Variants in ZBTB20 observed in about 807,000 individuals in gnomAD.
ZBTB20 encodes the protein zinc finger and BTB domain-containing protein 20.
A neutral mutation model predicts 56.9 loss-of-function variants in ZBTB20; 9 were observed. The observed-to-expected ratio is 0.16, with a 90% CI of 0.10 to 0.28. The LOEUF is 0.28. Ranked by LOEUF, ZBTB20 falls within the 10% of genes least tolerant of loss-of-function variation. The probability of loss-of-function intolerance (pLI) is 1.00; values close to 1 mark genes in which losing one functional copy is unlikely to be tolerated. For synonymous variants in ZBTB20, 417 were observed against 420.7 expected (o/e 0.99, Z 0.11); for missense variants, 655 against 1,003.0 (o/e 0.65, Z 4.69).
At chr3:114,382,605 T>C (rs2084516626) in intron 8 of ZBTB20, among the ~76,000 whole-genome samples, 1 of 152,206 alleles carries the variant, frequency 6.6e-6, no homozygotes, top group Non-Finnish European at 1.5e-5. Context: ...GATTCCTCTC[T>C]GCCAGGTAGG....
intron 2 of ZBTB20, among the ~76,000 whole-genome samples, chr3:115,015,558 G>A (rs567717494): frequency 6.6e-6 from 1 of 151,988 alleles, no homozygotes; most frequent in South Asian, 2.1e-4. Context: ...TTATAAGTGA[G>A]AATATGTGTT....
chr3:114,739,141 G>C (rs2066396049), intron 5 of ZBTB20, among the ~76,000 whole-genome samples: 1 of 152,146 alleles, frequency 6.6e-6, no homozygotes, highest in Admixed American at 6.5e-5. Context: ...GTGGTTTTAA[G>C]AGGTGCTGCT....
intron 3 of ZBTB20, among the ~76,000 whole-genome samples, chr3:114,951,403 G>A (rs928763452): frequency 6.6e-6 from 1 of 152,046 alleles, no homozygotes; most frequent in African/African-American, 2.4e-5. Context: ...AGAAAAAGGG[G>A]CTGCAGAAAG....
intron 1 of ZBTB20, chr3:115,100,316 C>T (rs2083543114): frequency 6.6e-6 from 1 of 151,074 alleles, no homozygotes; most frequent in South Asian, 2.1e-4. Context: ...TGCAACCTAC[C>T]TTACAAACCA....
intron 7 of ZBTB20, among the ~76,000 whole-genome samples, chr3:114,464,423 A>C (rs978873595): frequency 7.2e-5 from 11 of 152,238 alleles, no homozygotes; most frequent in African/African-American, 2.7e-4. Context: ...GTCATTCTGC[A>C]CAGTGATGGT....
intron 2 of ZBTB20, among the ~76,000 whole-genome samples, chr3:115,014,354 C>T (rs2079854133): frequency 6.6e-6 from 1 of 151,352 alleles, no homozygotes; most frequent in African/African-American, 2.4e-5. Flanking sequence ...TTTGCTAGCA[C>T]AATGGAATGG....
At chr3:114,594,903 G>A (rs572038858) in intron 6 of ZBTB20, among the ~76,000 whole-genome samples, 8 of 152,298 alleles carry the variant, frequency 5.3e-5, no homozygotes, top group East Asian at 1.9e-4. Context: ...GGGCAGGAGA[G>A]CATTTGTGTT....
At chr3:114,444,587 G>C (rs1227672934) in intron 7 of ZBTB20, among the ~76,000 whole-genome samples, 2 of 152,104 alleles carry the variant, frequency 1.3e-5, no homozygotes. Flanking sequence ...TAGAAAACTT[G>C]AGTTCTGGTC....
In ZBTB20 at chr3:115,097,524, G is replaced by A. The variant is rs368079302; in HGVS notation, c.-702-26110C>T. ...AGCTGATTTTTATCAGCACACACAC[G>A]TTAAAAAGCACACACACGTCACTCA... On this transcript the variant is annotated intron_variant, in intron 1 of 11. Transcript: ENST00000675478. 2.6e-5 allele frequency among the ~76,000 whole-genome samples: 4 copies of A among 151,994 alleles called. No homozygotes were observed. In the East Asian group the frequency reaches 5.8e-4, roughly 22 times the overall value.
intron 3 of ZBTB20, among the ~76,000 whole-genome samples, chr3:114,947,304 T>C (rs2076918087): frequency 6.8e-6 from 1 of 146,194 alleles, no homozygotes; most frequent in Non-Finnish European, 1.5e-5. Flanking sequence ...AATCCCACCA[T>C]TGGGTATATA....
chr3:115,050,519 AT>A (rs1272681522), intron 2 of ZBTB20, among the ~76,000 whole-genome samples: 2 of 151,988 alleles, frequency 1.3e-5, no homozygotes, highest in Non-Finnish European at 2.9e-5. Flanking sequence ...AAACACCTTT[AT>A]GTTTGTTTAT....
At chr3:115,078,727 T>C (rs2082689324) in intron 1 of ZBTB20, among the ~76,000 whole-genome samples, 2 of 150,794 alleles carry the variant, frequency 1.3e-5, no homozygotes, top group Non-Finnish European at 3.0e-5. Context: ...AACAAGATAA[T>C]AGAAATGAAA....
rs529032841 is a variant in ZBTB20, at chr3:114,731,895, G to A, written c.-342-38320C>T. Reference sequence around the variant, plus strand: ...CTGTGCCTAGATTAGTAACTAATCCGGCTGTGCCTAGATTAGTTACTAATC... The same window carrying A: ...CTGTGCCTAGATTAGTAACTAATCCAGCTGTGCCTAGATTAGTTACTAATC... On this transcript the variant is annotated intron_variant, in intron 5 of 11. Coordinates refer to ENST00000675478, the MANE Select transcript of ZBTB20 (RefSeq NM_001348800.3). 5.9e-5 allele frequency among the ~76,000 whole-genome samples: 9 copies of A among 151,382 alleles called. No homozygotes were observed. The South Asian group carries it at 8.3e-4, about 14-fold the overall frequency.
rs138841667 is a variant in ZBTB20, at chr3:114,532,729, T to C, written c.-294-32338A>G. ...CCAGCAGGGGTCAATAGACAGCTCA[T>C]ACAGGAGAGCTCTGGGTGGCATCTG... On this transcript the variant is annotated intron_variant, in intron 6 of 11. Coordinates refer to ENST00000675478, the MANE Select transcript of ZBTB20 (RefSeq NM_001348800.3). Among the ~76,000 whole-genome samples the C allele has an allele frequency of 9.4e-4, 143 of 152,182 alleles. 3 individuals are homozygous for C. The East Asian group carries it at 0.025, about 27-fold the overall frequency.
intron 5 of ZBTB20, among the ~76,000 whole-genome samples, chr3:114,730,948 CTG>C (rs1277090028): frequency 2.0e-5 from 3 of 152,178 alleles, no homozygotes; most frequent in African/African-American, 4.8e-5. Context: ...AGTGGCATAA[CTG>C]AGATTTAATC....
chr3:114,584,785 G>A (rs1447320006), intron 6 of ZBTB20, among the ~76,000 whole-genome samples: 1 of 152,132 alleles, frequency 6.6e-6, no homozygotes, highest in African/African-American at 2.4e-5. Context: ...GAAAGTACCT[G>A]GGGCACCAGC....
In ZBTB20 at chr3:114,352,974, G is replaced by A. The variant is rs150591324; in HGVS notation, c.200-1096C>T. 3.3e-4 allele frequency among the ~76,000 whole-genome samples: 51 copies of A among 152,278 alleles called. No individual in the cohort carries two copies. The East Asian group carries it at 8.7e-3, about 26-fold the overall frequency. ...GCCTGACCCAGCGCCACCCTATAACGTAGGCTGTTATGGCAAGGGATACTA... is the reference window on the plus strand; with the variant it reads ...GCCTGACCCAGCGCCACCCTATAACATAGGCTGTTATGGCAAGGGATACTA... On this transcript the variant is annotated intron_variant, in intron 10 of 11. Coordinates refer to ENST00000675478, the MANE Select transcript of ZBTB20 (RefSeq NM_001348800.3).
intron 6 of ZBTB20, among the ~76,000 whole-genome samples, chr3:114,590,528 T>TAAAA (rs1553760873): frequency 6.7e-6 from 1 of 148,614 alleles, no homozygotes; most frequent in Non-Finnish European, 1.5e-5. Context: ...AAATAAAAAA[T>TAAAA]AAACAAAAAT....
intron 3 of ZBTB20, among the ~76,000 whole-genome samples, chr3:114,924,963 A>G (rs1354708886): frequency 6.8e-6 from 1 of 146,924 alleles, no homozygotes; most frequent in Non-Finnish European, 1.5e-5. Flanking sequence ...CTGTTTTAAA[A>G]TTCCCATTTG....
Sources: gnomAD v4.1 joint callset for allele counts (sites outside exome capture counted in the v4.1 genomes callset) on GRCh38, gnomAD v4.1.1 for gene constraint, MANE v1.5 for transcripts, NCBI Gene and HGNC (gene_info 2026-07-23, HGNC 2026-07-21) for gene names.